RFX3: variants seen among roughly 807,000 people sequenced by gnomAD.
RFX3 encodes regulatory factor X3.
In RFX3, 14 loss-of-function variants were observed where a neutral mutation model predicts 98.6. The ratio of observed to expected loss-of-function variants is 0.14; its 90% CI spans 0.09 to 0.22. The LOEUF is 0.22. Ranked by LOEUF, RFX3 falls within the 10% of genes least tolerant of loss-of-function variation. The pLI, the probability that RFX3 is intolerant of heterozygous loss-of-function variation, is 1.00. For missense variants in RFX3, 639 were observed against 926.9 expected (o/e 0.69, Z 4.03); for synonymous variants, 383 against 328.4 (o/e 1.17, Z -1.80).
At chr9:3,473,005 T>G (rs1289741428) in intron 1 of RFX3, among the ~76,000 whole-genome samples, 1 of 152,108 alleles carries the variant, frequency 6.6e-6, no homozygotes, top group Non-Finnish European at 1.5e-5. Flanking sequence ...ATAGTAATAA[T>G]TAAAACACTC....
chr9:3,459,776 T>G (rs1301887260), intron 1 of RFX3, among the ~76,000 whole-genome samples: 1 of 152,048 alleles, frequency 6.6e-6, no homozygotes, highest in Non-Finnish European at 1.5e-5. Flanking sequence ...TCCTACTACA[T>G]TCTTATCCAT....
intron 1 of RFX3, among the ~76,000 whole-genome samples, chr9:3,406,035 C>T (rs953467375): frequency 6.6e-6 from 1 of 152,126 alleles, no homozygotes; most frequent in Non-Finnish European, 1.5e-5. Context: ...GCTCACTCTG[C>T]AGCCTCAACC....
chr9:3,409,664 T>A (rs1842289657), intron 1 of RFX3, among the ~76,000 whole-genome samples: 1 of 152,224 alleles, frequency 6.6e-6, no homozygotes, highest in Non-Finnish European at 1.5e-5. Flanking sequence ...AAATGGCCAT[T>A]CAGCAAATTT....
chr9:3,495,232 T>G (rs1341429861), intron 1 of RFX3, among the ~76,000 whole-genome samples: 2 of 151,958 alleles, frequency 1.3e-5, no homozygotes, highest in African/African-American at 2.4e-5. Flanking sequence ...AAAAATTCTA[T>G]GTAGCAAGAA....
In RFX3 at chr9:3,244,150, A is replaced by G. The variant is rs566781655; in HGVS notation, c.1968+3882T>C. Among the ~76,000 whole-genome samples the G allele has an allele frequency of 2.4e-4, 36 of 151,756 alleles. No individual in the cohort carries two copies. In the Middle Eastern group the frequency reaches 0.024, roughly 100 times the overall value. On this transcript the variant is annotated intron_variant, in intron 15 of 16. Coordinates refer to ENST00000617270, the MANE Select transcript of RFX3 (RefSeq NM_001282116.2). ...CCCGAGTAGCTGGGACTACAGGCAC[A>G]TGCCACCACGCCCGCCTAATTTTTT...
In RFX3 at chr9:3,219,565, G is replaced by A. The variant is rs1817239845; in HGVS notation, c.*5477C>T. 6.6e-6 allele frequency: 1 copy of A among 151,514 alleles called. No homozygotes were observed. Among genetic ancestry groups the A allele is most frequent in the Non-Finnish European group, 1.5e-5 (1 of 67,900 alleles). The allele number at this position is 151,514 out of a possible 1,614,324, so 9.4% of individuals were successfully genotyped here. ...AAACATATTATCAATTATTTCAAATGAAAGGAAAAAAAAATCCTAGGCAGT... is the reference window on the plus strand; with the variant it reads ...AAACATATTATCAATTATTTCAAATAAAAGGAAAAAAAAATCCTAGGCAGT... On this transcript the variant is annotated 3_prime_UTR_variant, in exon 17 of 17. Transcript: ENST00000617270.
chr9:3,500,054 G>C (rs1025009462), intron 1 of RFX3, among the ~76,000 whole-genome samples: 1 of 152,036 alleles, frequency 6.6e-6, no homozygotes, highest in Non-Finnish European at 1.5e-5. Flanking sequence ...CAGAGTAAAA[G>C]AAATTAACTA....
intron 14 of RFX3, among the ~76,000 whole-genome samples, chr9:3,253,672 C>T (rs995794390): frequency 5.3e-5 from 8 of 152,018 alleles, no homozygotes; most frequent in Admixed American, 3.9e-4. Context: ...TTATGATTCT[C>T]GGCAAGTTCA....
At chr9:3,500,319 G>A (rs993441911) in intron 1 of RFX3, among the ~76,000 whole-genome samples, 9 of 151,906 alleles carry the variant, frequency 5.9e-5, no homozygotes, top group African/African-American at 1.2e-4. Flanking sequence ...AGAAAATGAC[G>A]GACAAGAACG....
chr9:3,286,874 G>C lies in RFX3; in HGVS notation c.851+1257C>G, dbSNP rs535080030. On this transcript the variant is annotated intron_variant, in intron 7 of 16. Transcript: ENST00000617270. ...TCACCGCTAGGTGAATTTTCCTTCT[G>C]CTTCAATATTTCTCTTTTTATGACT... Among the ~76,000 whole-genome samples the C allele has an allele frequency of 9.9e-5, 15 of 151,852 alleles. No homozygotes were observed. The East Asian group carries it at 2.9e-3, about 29-fold the overall frequency.
At chr9:3,292,538 A>G (rs893753142) in intron 6 of RFX3, among the ~76,000 whole-genome samples, 2 of 152,228 alleles carry the variant, frequency 1.3e-5, no homozygotes, top group Non-Finnish European at 2.9e-5. Flanking sequence ...TTTAAACAAT[A>G]TTTTGCAAGT....
chr9:3,505,292 A>AAAATAAAATAT (rs1564187119), intron 1 of RFX3, among the ~76,000 whole-genome samples: 2 of 101,080 alleles, frequency 2.0e-5, no homozygotes, highest in African/African-American at 8.4e-5. Context: ...ACATTTTTAT[A>AAAATAAAATAT]TTTATATATA....
intron 1 of RFX3, among the ~76,000 whole-genome samples, chr9:3,427,497 T>C (rs959854171): frequency 8.9e-5 from 13 of 145,864 alleles, no homozygotes; most frequent in African/African-American, 3.3e-4. Context: ...ATACAATATA[T>C]AAATATATAT....
chr9:3,420,716 T>C, intron 1 of RFX3: 1 of 898,900 alleles, frequency 1.1e-6, no homozygotes, highest in Non-Finnish European at 1.3e-6. Flanking sequence ...TCAGGAATTA[T>C]TTCTATAAAC....
chr9:3,374,055 G>A (rs1343538738), intron 2 of RFX3, among the ~76,000 whole-genome samples: 1 of 151,724 alleles, frequency 6.6e-6, no homozygotes, highest in African/African-American at 2.4e-5. Context: ...TCCAGCCTGG[G>A]CGACAGAGTG....
At chr9:3,319,663 T>G (rs1200346524) in intron 4 of RFX3, among the ~76,000 whole-genome samples, 1 of 152,174 alleles carries the variant, frequency 6.6e-6, no homozygotes, top group African/African-American at 2.4e-5. Context: ...GGCAAGAAAG[T>G]AGTTGAAACT....
At chr9:3,471,519 G>C (rs926053818) in intron 1 of RFX3, among the ~76,000 whole-genome samples, 1 of 152,124 alleles carries the variant, frequency 6.6e-6, no homozygotes, top group African/African-American at 2.4e-5. Flanking sequence ...GCTTAAACTT[G>C]TCTCTCTAAG....
intron 4 of RFX3, among the ~76,000 whole-genome samples, chr9:3,326,357 A>G (rs934711824): frequency 1.3e-5 from 2 of 152,134 alleles, no homozygotes; most frequent in Non-Finnish European, 2.9e-5. Context: ...GTTCAGGGGT[A>G]TTTGTGCAGG....
chr9:3,475,441 A>G (rs903609210), intron 1 of RFX3, among the ~76,000 whole-genome samples: 3 of 151,986 alleles, frequency 2.0e-5, no homozygotes, highest in Non-Finnish European at 4.4e-5. Flanking sequence ...GTCATCTCCA[A>G]TGATTGACAA....
Sources: allele counts gnomAD v4.1 joint callset (sites outside exome capture counted in the v4.1 genomes callset), GRCh38; gene constraint gnomAD v4.1.1; transcripts MANE v1.5; gene names NCBI Gene and HGNC (gene_info 2026-07-23, HGNC 2026-07-21).